The following TM2D2 variants were observed in gnomAD, a reference collection of about 807,000 sequenced individuals.
TM2D2 encodes the protein TM2 domain-containing protein 2.
A neutral mutation model predicts 23.0 loss-of-function variants in TM2D2; 19 were observed. The ratio of observed to expected loss-of-function variants is 0.82; its 90% CI spans 0.58 to 1.21. The LOEUF is 1.21. Ranked by LOEUF, TM2D2 falls within the 50% of genes most tolerant of loss-of-function variation. The probability of loss-of-function intolerance (pLI) is 0.00; values close to 1 mark genes in which losing one functional copy is unlikely to be tolerated. For synonymous variants in TM2D2, 120 were observed against 108.8 expected (o/e 1.10, Z -0.64); for missense variants, 246 against 265.4 (o/e 0.93, Z 0.51).
intron 2 of TM2D2, chr8:38,994,135 G>C: frequency 6.6e-6 from 1 of 152,212 alleles, no homozygotes; most frequent in Non-Finnish European, 1.5e-5. Context: ...AAAATGAATA[G>C]AATTAGGAAA....
At chr8:38,991,582 C>T (rs764165742) in intron 3 of TM2D2, 37 bp from the exon 4 acceptor site, 2 of 1,511,694 alleles carry the variant, frequency 1.3e-6, no homozygotes, top group Admixed American at 1.7e-5. Context: ...TGTTTTACTG[C>T]ACGAAAATTT....
rs1835594729 is a variant in TM2D2 at position 38,991,393 on chromosome 8, A to C, written c.584T>G (p.Ile195Ser). 4 of 1,614,020 alleles carry C rather than the reference A, an allele frequency of 2.5e-6. No individual in the cohort carries two copies. In the South Asian group the frequency reaches 4.4e-5, roughly 18 times the overall value. ...CATCAGCCCTCCAGTAATTAGCAAA[A>C]TAAGGTCAACAAACCACCAAATCCC... ...GLGIWWFVDL[I>S]LLITGGLMPS... Residue 195 changes from isoleucine to serine, a missense_variant, in exon 4 of 4, where the codon ATT (isoleucine) becomes AGT (serine). This residue lies in a region of TM2D2 where 34 missense variants were observed against 63.2 expected (regional missense o/e 0.54). Transcript: ENST00000456397.
rs745712234 is a variant in TM2D2 at position 38,991,302 on chromosome 8, C to T, written c.*30G>A. ...GAATTCAGAAGACGGAGCTTTCACC[C>T]GCCTCCCTGGGCCATGATGGCAGCT... On this transcript the variant is annotated 3_prime_UTR_variant, in exon 4 of 4. Coordinates refer to ENST00000456397, the MANE Select transcript of TM2D2 (RefSeq NM_078473.3). 18 of 1,586,804 alleles carry T rather than the reference C, an allele frequency of 1.1e-5. No homozygotes were observed. The highest frequency in any genetic ancestry group is 2.3e-5 in the East Asian group (1 of 44,268).
intron 3 of TM2D2, among the ~76,000 whole-genome samples, chr8:38,992,421 T>G (rs1323019095): frequency 6.7e-6 from 1 of 149,622 alleles, no homozygotes; most frequent in South Asian, 2.1e-4. Context: ...GAGGCTGCAG[T>G]GAGCCCTGTT....
At chr8:38,996,770 C>T (rs1167080344), upstream of TM2D2, 2 of 1,420,136 alleles carry the variant, frequency 1.4e-6, no homozygotes, top group African/African-American at 1.4e-5. Flanking sequence ...CGGGGCGGGG[C>T]GGATATGACT....
At chr8:38,995,749 C>A in intron 1 of TM2D2, 2 of 1,281,474 alleles carry the variant, frequency 1.6e-6, no homozygotes, top group Admixed American at 3.8e-5. Flanking sequence ...TTCCCAAATG[C>A]CTTTTCTTGT....
At chr8:38,996,737 A>C, upstream of TM2D2, 2 of 1,413,720 alleles carry the variant, frequency 1.4e-6, no homozygotes, top group Non-Finnish European at 9.2e-7. Flanking sequence ...CGACCCCCCT[A>C]GGTGGGCGTG....
intron 3 of TM2D2, among the ~76,000 whole-genome samples, chr8:38,992,783 CT>C (rs1015064959): frequency 2.0e-5 from 3 of 152,138 alleles, no homozygotes; most frequent in Non-Finnish European, 4.4e-5. Context: ...AAGCACTGTT[CT>C]TAAATGAACA....
At chr8:38,995,666 A>G (rs1835749875) in intron 1 of TM2D2, 4 of 1,364,278 alleles carry the variant, frequency 2.9e-6, no homozygotes, top group Non-Finnish European at 3.8e-6. Flanking sequence ...CCATGGTTTC[A>G]TCTCTTCAGT....
chr8:38,995,573 T>G, intron 1 of TM2D2, 168 bp from the exon 2 acceptor site: 8 of 1,486,828 alleles, frequency 5.4e-6, no homozygotes, highest in Non-Finnish European at 7.1e-6. Flanking sequence ...GCACAGCAGG[T>G]CAAACGGACA....
intron 3 of TM2D2, among the ~76,000 whole-genome samples, chr8:38,993,220 A>T (rs1335771806): frequency 6.6e-6 from 1 of 152,200 alleles, no homozygotes; most frequent in African/African-American, 2.4e-5. Context: ...TCTACTATAA[A>T]CATATTGCTT....
rs200042249 is a variant in TM2D2, at chr8:38,996,176, C to T, written c.227+37G>A. On this transcript the variant is annotated intron_variant, in intron 1 of 3. Transcript: ENST00000456397. ...TAACACCCATATATTCCTGGCACAC[C>T]CTCCACGTCCACCCGCCTCGACCAC... The T allele has an allele frequency of 6.4e-5, 102 of 1,595,010 alleles. No homozygotes were observed. The African/African-American group carries it at 1.3e-3, about 20-fold the overall frequency.
chr8:38,993,761 C>T, intron 2 of TM2D2, 101 bp from the exon 3 acceptor site: 2 of 790,750 alleles, frequency 2.5e-6, no homozygotes, highest in Non-Finnish European at 4.1e-6. Flanking sequence ...GGCCTCAGGA[C>T]TACAATTATT....
Position 38,991,230 on chromosome 8 carries a change from A to G in TM2D2, c.*102T>C, listed in dbSNP as rs149260396. ...ACAAATGCCCTCCAAAAGAAGGAAAATAACATCAGGTCTGATATCAAAGAG... is the reference window on the plus strand; with the variant it reads ...ACAAATGCCCTCCAAAAGAAGGAAAGTAACATCAGGTCTGATATCAAAGAG... On this transcript the variant is annotated 3_prime_UTR_variant, in exon 4 of 4. Coordinates refer to ENST00000456397, the MANE Select transcript of TM2D2 (RefSeq NM_078473.3). 3.6e-4 allele frequency: 357 copies of G among 1,003,106 alleles called. 2 individuals carry two copies. In the African/African-American group the frequency reaches 5.2e-3, roughly 15 times the overall value. The allele number at this position is 1,003,106 out of a possible 1,614,324, so 62.1% of individuals were successfully genotyped here. A position where few individuals can be genotyped will look rare whatever the true frequency, so the allele number is the denominator to read the frequency against.
chr8:38,996,525 TCCGCGTAGCCCCGC>T (rs376912541), upstream of TM2D2: 170 of 1,551,984 alleles, frequency 1.1e-4, no homozygotes, highest in African/African-American at 1.2e-3. Context: ...GTCAGGCCTT[TCCGCGTAGCCCCGC>T]CCGCGTAGCC....
upstream of TM2D2, chr8:38,996,951 CG>C: frequency 6.8e-7 from 1 of 1,473,948 alleles, no homozygotes; most frequent in South Asian, 1.2e-5. Context: ...GCGTGCTCGT[CG>C]GGCGCGCGCG....
upstream of TM2D2, chr8:38,996,922 G>A: frequency 7.2e-7 from 1 of 1,392,882 alleles, no homozygotes; most frequent in South Asian, 1.3e-5. Context: ...TCAGTGCCGC[G>A]CGCGTGCTCG....
At chr8:38,996,934 C>CGGGCGCGCGTGCTCGTT, upstream of TM2D2, 1 of 1,399,124 alleles carries the variant, frequency 7.1e-7, no homozygotes, top group Non-Finnish European at 9.6e-7. Flanking sequence ...GCGTGCTCGT[C>CGGGCGCGCGTGCTCGTT]GGGCGCGCGT....
In TM2D2 at chr8:38,991,326, C is replaced by T. The variant is rs1437101588; in HGVS notation, c.*6G>A. The T allele has an allele frequency of 3.1e-6, 5 of 1,613,030 alleles. No individual in the cohort carries two copies. Among genetic ancestry groups the T allele is most frequent in the Admixed American group, 1.7e-5 (1 of 59,904 alleles). ...CCGCCTCCCTGGGCCATGATGGCAG[C>T]TCTTCTTAGTAAACAGTGCACCAGT... On this transcript the variant is annotated 3_prime_UTR_variant, in exon 4 of 4. Coordinates refer to ENST00000456397, the MANE Select transcript of TM2D2 (RefSeq NM_078473.3).
Sources: gnomAD v4.1 joint callset for allele counts (sites outside exome capture counted in the v4.1 genomes callset) on GRCh38, gnomAD v4.1.1 for gene constraint, gnomAD v4.1.1 regional missense constraint, MANE v1.5 for transcripts, NCBI Gene and HGNC (gene_info 2026-07-23, HGNC 2026-07-21) for gene names.